The following MAGI2 variants were observed in gnomAD, a reference collection of about 807,000 sequenced individuals.
MAGI2 encodes the protein membrane-associated guanylate kinase, WW and PDZ domain-containing protein 2.
Under a neutral mutation model 133.3 loss-of-function variants are expected in MAGI2, and 35 were observed. That is an observed-to-expected ratio of 0.26 (90% CI 0.20 to 0.35). MAGI2 has a LOEUF of 0.35. MAGI2 is among the 10% of genes least tolerant of loss of function. The pLI is 1.00. For missense variants in MAGI2, 1,636 were observed against 1,863.4 expected (o/e 0.88, Z 2.25); for synonymous variants, 729 against 710.6 (o/e 1.03, Z -0.41).
chr7:78,407,927 T>C (rs983455947), intron 6 of MAGI2, among the ~76,000 whole-genome samples: 31 of 151,848 alleles, frequency 2.0e-4, no homozygotes, highest in Admixed American at 8.6e-4. Context: ...AGACCCCTCC[T>C]CGGAACCTTG....
rs148760189 is a variant in MAGI2, at chr7:78,521,401, T to C, written c.754+29A>G. ...TCTTAGATCTAAAACAGTAAATTTA[T>C]GAAGCCATAAAAAATGTAAATGACT... is the stretch of plus-strand genomic sequence containing the variant. On this transcript the variant is annotated intron_variant, in intron 4 of 21. Transcript: ENST00000354212. The C allele has an allele frequency of 1.2e-3, 1,928 of 1,556,050 alleles. 35 individuals are homozygous for C. The East Asian group carries it at 0.038, about 31-fold the overall frequency.
At chr7:78,240,349 T>C (rs1791008522) in intron 10 of MAGI2, among the ~76,000 whole-genome samples, 1 of 151,504 alleles carries the variant, frequency 6.6e-6, no homozygotes, top group South Asian at 2.1e-4. Context: ...TTCCATGGTG[T>C]ATGTGGTGCA....
intron 3 of MAGI2, among the ~76,000 whole-genome samples, chr7:78,578,063 A>T (rs1172923897): frequency 1.3e-5 from 2 of 149,834 alleles, no homozygotes; most frequent in Non-Finnish European, 3.0e-5. Flanking sequence ...CTTCAATTGT[A>T]TTCTCTATAT....
intron 2 of MAGI2, among the ~76,000 whole-genome samples, chr7:78,854,563 G>A (rs760348297): frequency 3.3e-5 from 5 of 151,822 alleles, no homozygotes; most frequent in East Asian, 3.9e-4. Flanking sequence ...AACAACAGCC[G>A]TTATAATTAT....
At chr7:79,441,470 A>G (rs1848491917) in intron 1 of MAGI2, among the ~76,000 whole-genome samples, 1 of 152,208 alleles carries the variant, frequency 6.6e-6, no homozygotes, top group Admixed American at 6.5e-5. Flanking sequence ...AAGGCATTTT[A>G]TTGATTCAAT....
Position 78,135,082 on chromosome 7 carries a change from G to A in MAGI2, c.2970C>T (p.Asp990=), listed in dbSNP as rs151185251. The A allele has an allele frequency of 2.4e-5, 39 of 1,614,062 alleles. No homozygotes were observed. The highest frequency in any genetic ancestry group is 3.2e-5 in the Non-Finnish European group (38 of 1,180,030). Reference sequence around the variant, plus strand: ...CTGCATCCTTGATGAGCTTCACGATGTCAGCGTGAGGCATGTTGATGATAG... The same window carrying A: ...CTGCATCCTTGATGAGCTTCACGATATCAGCGTGAGGCATGTTGATGATAG... ...GQSIINMPHA[D]IVKLIKDAGL... Residue 990 remains aspartate (D), a synonymous_variant, in exon 17 of 22, where the codon GAC becomes GAT. Coordinates refer to ENST00000354212, the MANE Select transcript of MAGI2 (RefSeq NM_012301.4).
intron 1 of MAGI2, among the ~76,000 whole-genome samples, chr7:79,314,441 C>T (rs931581334): frequency 3.3e-5 from 5 of 152,146 alleles, no homozygotes; most frequent in African/African-American, 4.8e-5. Context: ...AGTCCTATGA[C>T]CTGGAAATTT....
At chr7:78,443,904 A>G (rs750479976) in intron 6 of MAGI2, among the ~76,000 whole-genome samples, 60 of 152,030 alleles carry the variant, frequency 3.9e-4, no homozygotes, top group Non-Finnish European at 5.6e-4. Context: ...AGGAAGTAAT[A>G]TATATATAGA....
intron 3 of MAGI2, among the ~76,000 whole-genome samples, chr7:78,538,226 A>G (rs1798122621): frequency 6.6e-6 from 1 of 152,152 alleles, no homozygotes; most frequent in African/African-American, 2.4e-5. Context: ...TTTGGTGACT[A>G]TAGCCTTGTA....
chr7:78,728,474 CTT>C (rs371866859), intron 2 of MAGI2, among the ~76,000 whole-genome samples: 1 of 148,934 alleles, frequency 6.7e-6, no homozygotes, highest in South Asian at 2.1e-4. Flanking sequence ...ATCAAACACT[CTT>C]GACCTAGTAC....
intron 2 of MAGI2, among the ~76,000 whole-genome samples, chr7:78,684,770 T>C (rs975754169): frequency 2.6e-5 from 4 of 152,066 alleles, no homozygotes; most frequent in Non-Finnish European, 5.9e-5. Context: ...ACTTTAAAGA[T>C]GTAGCTATGA....
At chr7:78,332,430 G>A (rs1341311917) in intron 9 of MAGI2, among the ~76,000 whole-genome samples, 1 of 152,212 alleles carries the variant, frequency 6.6e-6, no homozygotes, top group Non-Finnish European at 1.5e-5. Flanking sequence ...TGGGCGCAGT[G>A]GCTCACGCCT....
At chr7:78,536,212 A>G (rs1415617015) in intron 3 of MAGI2, among the ~76,000 whole-genome samples, 4 of 130,346 alleles carry the variant, frequency 3.1e-5, no homozygotes, top group Admixed American at 9.2e-5. Context: ...TCCCGGGTTC[A>G]CGCCATTCTC....
chr7:79,093,546 T>C (rs189395481), intron 1 of MAGI2, among the ~76,000 whole-genome samples: 70 of 152,192 alleles, frequency 4.6e-4, no homozygotes, highest in African/African-American at 1.5e-3. Flanking sequence ...ACTTTATTGC[T>C]AAAAAATGCA....
chr7:78,462,547 A>C (rs1323666485), intron 6 of MAGI2, among the ~76,000 whole-genome samples: 2 of 152,216 alleles, frequency 1.3e-5, no homozygotes, highest in Non-Finnish European at 2.9e-5. Context: ...AGGTATGTTG[A>C]AATTACTGTA....
chr7:78,940,558 C>G (rs1675450805), intron 2 of MAGI2: 1 of 152,112 alleles, frequency 6.6e-6, no homozygotes, highest in Admixed American at 6.5e-5. Context: ...AAAAAGGAAT[C>G]AAGCCCCCAA....
intron 1 of MAGI2, among the ~76,000 whole-genome samples, chr7:79,265,031 T>C (rs1240263483): frequency 6.6e-6 from 1 of 152,024 alleles, no homozygotes; most frequent in African/African-American, 2.4e-5. Context: ...ACCTCCAACA[T>C]TGGGGATCAA....
rs762606410 is a variant in MAGI2 at position 79,007,101 on chromosome 7, C to T, written c.407G>A (p.Arg136His). Residue 136 changes from arginine (R) to histidine (H), a missense_variant, in exon 2 of 22, where the codon CGC (arginine) becomes CAC (histidine). Physicochemically the swap from Arg to His is conservative, Grantham distance 29. Around this residue, in one of 5 missense-constraint regions of MAGI2, gnomAD observed 148 missense variants for 239.0 expected, o/e 0.62. Coordinates refer to ENST00000354212, the MANE Select transcript of MAGI2 (RefSeq NM_012301.4). ...QQIIRDNLYLRTVPCTTRPHK... is the reference protein window; with the variant it reads ...QQIIRDNLYLHTVPCTTRPHK... Reference sequence around the variant, plus strand: ...CCCATTGTACTCACATGGCACCGTGCGGAGGTAGAGGTTGTCACGAATGAT... The same window carrying T: ...CCCATTGTACTCACATGGCACCGTGTGGAGGTAGAGGTTGTCACGAATGAT... The T allele has an allele frequency of 5.6e-6, 9 of 1,608,988 alleles. No individual in the cohort carries two copies. Among genetic ancestry groups the T allele is most frequent in the African/African-American group, 2.7e-5 (2 of 74,590 alleles).
intron 1 of MAGI2, among the ~76,000 whole-genome samples, chr7:79,075,887 T>G (rs552133597): frequency 1.3e-5 from 2 of 152,272 alleles, no homozygotes; most frequent in South Asian, 4.1e-4. Flanking sequence ...TGTTAAAATA[T>G]CAATTCCATT....
Sources: allele counts gnomAD v4.1 joint callset (sites outside exome capture counted in the v4.1 genomes callset), GRCh38; gene constraint gnomAD v4.1.1; regional missense constraint gnomAD v4.1.1; transcripts MANE v1.5; gene names NCBI Gene and HGNC (gene_info 2026-07-23, HGNC 2026-07-21).